STRN3: variants seen among roughly 807,000 people sequenced by gnomAD.
STRN3 encodes striatin-3.
In STRN3, 29 loss-of-function variants were observed where a neutral mutation model predicts 95.6. That is an observed-to-expected ratio of 0.30 (90% CI 0.23 to 0.41). STRN3 has a LOEUF of 0.41. STRN3 is among the 10% of genes least tolerant of loss of function. The pLI is 1.00. For missense variants in STRN3, 890 were observed against 972.1 expected (o/e 0.92, Z 1.12); for synonymous variants, 331 against 357.6 (o/e 0.93, Z 0.84).
At chr14:31,010,502 AT>A (rs1360993754) in intron 1 of STRN3, among the ~76,000 whole-genome samples, 1 of 151,580 alleles carries the variant, frequency 6.6e-6, no homozygotes, top group Non-Finnish European at 1.5e-5. Flanking sequence ...TTGGTGGGTC[AT>A]TTTTTTAAAA....
Position 30,934,368 on chromosome 14 carries a change from T to C in STRN3, c.988+795A>G, listed in dbSNP as rs114648973. Among the ~76,000 whole-genome samples, 263 of 152,168 alleles carry C rather than the reference T, an allele frequency of 1.7e-3. 1 individual carries two copies. The highest frequency in any genetic ancestry group is 5.7e-3 in the African/African-American group (236 of 41,526). On this transcript the variant is annotated intron_variant, in intron 7 of 17. Transcript: ENST00000357479. Reference sequence around the variant, plus strand: ...ATAATAATAACAACCTTCTCCAATATAGCTCAGTAAACACACTTTGTTCTA... The same window carrying C: ...ATAATAATAACAACCTTCTCCAATACAGCTCAGTAAACACACTTTGTTCTA...
At chr14:30,950,637 A>T (rs554915453) in intron 4 of STRN3, among the ~76,000 whole-genome samples, 1 of 152,328 alleles carries the variant, frequency 6.6e-6, no homozygotes, top group South Asian at 2.1e-4. Context: ...TGCTCAAGTC[A>T]TCCAGTCTTT....
chr14:30,899,534 C>A (rs767826432), intron 16 of STRN3, among the ~76,000 whole-genome samples: 11 of 152,048 alleles, frequency 7.2e-5, no homozygotes, highest in Non-Finnish European at 1.6e-4. Flanking sequence ...TTCTAAAAGT[C>A]CTCCTCAATA....
At chr14:30,932,755 C>A (rs1343648452) in intron 7 of STRN3, among the ~76,000 whole-genome samples, 1 of 152,084 alleles carries the variant, frequency 6.6e-6, no homozygotes, top group Non-Finnish European at 1.5e-5. Context: ...TAATGCCATT[C>A]CATATAAATT....
rs554758548 is a variant in STRN3, at chr14:30,969,013, T to C, written c.283-12771A>G. On this transcript the variant is annotated intron_variant, in intron 1 of 17. Transcript: ENST00000357479. ...AAAACATTAATTGTAAAGGAAATTC[T>C]GTGTGTAAACATATTAGCCAAAGAG... Among the ~76,000 whole-genome samples the C allele has an allele frequency of 2.6e-5, 4 of 152,360 alleles. No individual in the cohort carries two copies. In the South Asian group the frequency reaches 8.3e-4, roughly 32 times the overall value.
intron 8 of STRN3, among the ~76,000 whole-genome samples, chr14:30,919,809 T>C (rs1366544665): frequency 6.6e-6 from 1 of 152,182 alleles, no homozygotes; most frequent in African/African-American, 2.4e-5. Context: ...GGCTGTTGCC[T>C]GGATAATTCA....
Position 30,912,010 on chromosome 14 carries a change from T to C in STRN3, c.1547A>G (p.Lys516Arg), listed in dbSNP as rs766722312. ...LWNLQKTVPA[K>R]KSASLDVEPI... ...AGGCTAACACTAAAATACTTGCTTT[T>C]TGGCAGGAACTGTTTTTTGCAGGTT... Residue 516 changes from lysine (K) to arginine (R), a missense_variant, in exon 11 of 18, where the codon AAA becomes AGA. By Grantham distance (26) the Lys-to-Arg change is conservative (BLOSUM62 2). Transcript: ENST00000357479. The C allele has an allele frequency of 6.2e-7, 1 of 1,606,610 alleles. No homozygotes were observed. The highest frequency in any genetic ancestry group is 2.2e-5 in the East Asian group (1 of 44,842).
At chr14:30,906,265 A>G (rs1010495605) in intron 14 of STRN3, among the ~76,000 whole-genome samples, 4 of 152,178 alleles carry the variant, frequency 2.6e-5, no homozygotes, top group African/African-American at 7.2e-5. Flanking sequence ...ACAAAATTAT[A>G]TATTTACTAT....
intron 1 of STRN3, among the ~76,000 whole-genome samples, chr14:30,957,061 G>C (rs1879945296): frequency 1.3e-5 from 2 of 152,196 alleles, no homozygotes; most frequent in Non-Finnish European, 2.9e-5. Context: ...GAAAGCCTGA[G>C]GCAGGAGAAT....
rs77945021 is a variant in STRN3 at position 30,960,098 on chromosome 14, A to G, written c.283-3856T>C. Among the ~76,000 whole-genome samples the G allele has an allele frequency of 0.018, 2,707 of 152,076 alleles. 103 individuals carry two copies. In the East Asian group the frequency reaches 0.18, roughly 10 times the overall value. On this transcript the variant is annotated intron_variant, in intron 1 of 17. Coordinates refer to ENST00000357479, the MANE Select transcript of STRN3 (RefSeq NM_001083893.2). ...GGCCGAGTACAGGGGGCTCATGCCT[A>G]TAATCCTAGCACTCTGGGAGGCTGA...
intron 1 of STRN3, among the ~76,000 whole-genome samples, chr14:30,984,749 C>G (rs987001752): frequency 2.0e-5 from 3 of 151,846 alleles, no homozygotes; most frequent in African/African-American, 7.3e-5. Flanking sequence ...CTGCACTCCA[C>G]TCCAGCCTGG....
intron 3 of STRN3, 58 bp from the exon 4 acceptor site, chr14:30,951,002 C>T: frequency 7.0e-7 from 1 of 1,437,616 alleles, no homozygotes. Flanking sequence ...GAAAATATTG[C>T]CAAAGTTTTC....
At chr14:30,979,349 CG>C (rs1881273304) in intron 1 of STRN3, among the ~76,000 whole-genome samples, 1 of 152,208 alleles carries the variant, frequency 6.6e-6, no homozygotes, top group African/African-American at 2.4e-5. Flanking sequence ...GGTTTTGCAA[CG>C]GACTGTGTAG....
chr14:30,924,828 A>G (rs1009815114), intron 8 of STRN3, among the ~76,000 whole-genome samples: 1 of 152,168 alleles, frequency 6.6e-6, no homozygotes, highest in African/African-American at 2.4e-5. Context: ...CATCCGAGGC[A>G]GCAGAGTGAC....
chr14:30,895,390 ACGATG>A lies in STRN3; in HGVS notation c.*16_*20del, dbSNP rs1566421291. 6.3e-7 allele frequency: 1 copy of A among 1,581,728 alleles called. No individual in the cohort carries two copies. ...TCTTTCTGTCCAAGCAAATCTTGTT[ACGATG>A]CAAGTTTTTGTTGATTCATACAAAT... On this transcript the variant is annotated 3_prime_UTR_variant, in exon 18 of 18. Coordinates refer to ENST00000357479, the MANE Select transcript of STRN3 (RefSeq NM_001083893.2).
chr14:30,975,263 T>C (rs1881036756), intron 1 of STRN3, among the ~76,000 whole-genome samples: 1 of 150,934 alleles, frequency 6.6e-6, no homozygotes, highest in Non-Finnish European at 1.5e-5. Context: ...GCAATCTGGA[T>C]GGAGCTGGAG....
In STRN3 at chr14:30,956,170, T is replaced by G. The variant is rs1566456570; in HGVS notation, c.355A>C (p.Lys119Gln). The change falls in exon 2 of 18, where the codon AAG (lysine) becomes CAG (glutamine). Residue 119 changes from lysine to glutamine, a missense_variant. Transcript: ENST00000357479. ...TGTTTTAATGCATACTCTAACATCT[T>G]TATTCTTCTTACTAAGTCCTTCTTC... ...NLKKDLVRRI[K>Q]MLEYALKQER... is the part of the protein sequence containing the mutation. 1 of 1,613,840 alleles carries G rather than the reference T, an allele frequency of 6.2e-7. No homozygotes were observed. Among genetic ancestry groups the G allele is most frequent in the Non-Finnish European group, 8.5e-7 (1 of 1,179,968 alleles).
chr14:30,894,974 T>G lies in STRN3; in HGVS notation c.*437A>C. 1.0e-6 allele frequency: 1 copy of G among 966,838 alleles called. No homozygotes were observed. Among genetic ancestry groups the G allele is most frequent in the Non-Finnish European group, 1.3e-6 (1 of 790,432 alleles). The allele number at this position is 966,838 out of a possible 1,614,324, so 59.9% of individuals were successfully genotyped here. On this transcript the variant is annotated 3_prime_UTR_variant, in exon 18 of 18. Coordinates refer to ENST00000357479, the MANE Select transcript of STRN3 (RefSeq NM_001083893.2). ...CGATAAACAGAAGATCACTAAGAGA[T>G]GAAAAAAAGCTACTCTTGGAGCTCA...
intron 7 of STRN3, among the ~76,000 whole-genome samples, chr14:30,929,966 A>AAAAAAAAAAAAAAAAAAAAAAC (rs1555317368): frequency 4.6e-5 from 5 of 108,310 alleles, no homozygotes; most frequent in Admixed American, 9.9e-5. Context: ...AAAAAAAAAA[A>AAAAAAAAAAAAAAAAAAAAAAC]AAAAAAAAAA....
Sources: gnomAD v4.1 joint callset for allele counts (sites outside exome capture counted in the v4.1 genomes callset) on GRCh38, gnomAD v4.1.1 for gene constraint, MANE v1.5 for transcripts, NCBI Gene and HGNC (gene_info 2026-07-23, HGNC 2026-07-21) for gene names.